SPIRE1: variants seen among roughly 807,000 people sequenced by gnomAD.
The protein encoded by SPIRE1 is spire type actin nucleation factor 1, also known as protein spire homolog 1.
SPIRE1 carries 40 observed loss-of-function variants against 94.1 expected under a neutral mutation model. The observed-to-expected ratio is 0.43, with a 90% CI of 0.33 to 0.55. SPIRE1 has a LOEUF of 0.55. SPIRE1 is among the 20% of genes least tolerant of loss of function. The pLI is 0.06. For missense variants in SPIRE1, 838 were observed against 975.2 expected, an observed-to-expected ratio of 0.86 and a Z score of 1.87; for synonymous variants, 376 against 371.7, an observed-to-expected ratio of 1.01 and a Z score of -0.13.
At chr18:12,659,420 C>T (rs1567999908), upstream of SPIRE1, among the ~76,000 whole-genome samples, 1 of 152,160 alleles carries the variant, frequency 6.6e-6, no homozygotes, top group Non-Finnish European at 1.5e-5. Flanking sequence ...GTAATCCCAG[C>T]ACTTTGGGAG....
rs58328517 is a variant in SPIRE1, at chr18:12,447,283, A to AG, written c.*2354_*2355insC. Reference sequence around the variant, plus strand: ...CTTTTGTTGTTGGATTAGAAGTAAAACTGAACAAGAAACCAGGACACGGAA... The same window carrying AG: ...CTTTTGTTGTTGGATTAGAAGTAAAAGCTGAACAAGAAACCAGGACACGGAA... On this transcript the variant is annotated 3_prime_UTR_variant, in exon 17 of 17. Transcript: ENST00000409402. The AG allele has an allele frequency of 0.73, 110,812 of 151,842 alleles. 40,967 individuals carry two copies. The highest frequency in any genetic ancestry group is 0.91 in the Middle Eastern group (267 of 294). 9.4% of individuals were successfully genotyped at this position (151,842 alleles called of 1,614,324 possible).
At chr18:12,585,448 C>T (rs1393846760) in intron 2 of SPIRE1, among the ~76,000 whole-genome samples, 2 of 152,144 alleles carry the variant, frequency 1.3e-5, no homozygotes, top group Non-Finnish European at 2.9e-5. Context: ...TCTCTGAAAT[C>T]AGCTGCCTAT....
intron 5 of SPIRE1, among the ~76,000 whole-genome samples, chr18:12,509,795 C>A (rs1229431307): frequency 3.9e-5 from 6 of 152,008 alleles, no homozygotes. Context: ...AAAAACAGTA[C>A]ATACCAGCTG....
intron 2 of SPIRE1, among the ~76,000 whole-genome samples, chr18:12,599,828 C>T (rs545026598): frequency 6.6e-6 from 1 of 152,216 alleles, no homozygotes; most frequent in South Asian, 2.1e-4. Context: ...CTGTCCTTGC[C>T]ACCTCCTGCT....
intron 10 of SPIRE1, among the ~76,000 whole-genome samples, chr18:12,471,351 GC>G (rs1328884086): frequency 6.6e-6 from 1 of 151,066 alleles, no homozygotes; most frequent in Non-Finnish European, 1.5e-5. Context: ...AATTTCTAAG[GC>G]CCCTTCCAGT....
chr18:12,525,072 C>T (rs375438898), intron 4 of SPIRE1, among the ~76,000 whole-genome samples: 2 of 151,350 alleles, frequency 1.3e-5, no homozygotes, highest in Non-Finnish European at 2.9e-5. Flanking sequence ...GTCAGGAGAT[C>T]GAAACCATCC....
intron 3 of SPIRE1, among the ~76,000 whole-genome samples, chr18:12,537,633 T>A (rs981534477): frequency 1.3e-5 from 2 of 152,194 alleles, no homozygotes; most frequent in African/African-American, 4.8e-5. Flanking sequence ...TCTAAAGGAA[T>A]ACTACTAGAG....
chr18:12,467,444 T>A (rs777372302), intron 10 of SPIRE1, among the ~76,000 whole-genome samples: 2 of 152,116 alleles, frequency 1.3e-5, no homozygotes, highest in African/African-American at 4.8e-5. Flanking sequence ...ATTAGAACAA[T>A]CTTTTTCTGT....
chr18:12,630,292 C>A (rs1028366946), intron 2 of SPIRE1, among the ~76,000 whole-genome samples: 1 of 152,144 alleles, frequency 6.6e-6, no homozygotes, highest in African/African-American at 2.4e-5. Context: ...CCCAGGAAAC[C>A]TTACACTTCC....
intron 1 of SPIRE1, among the ~76,000 whole-genome samples, chr18:12,638,465 T>C (rs1310322214): frequency 6.6e-6 from 1 of 151,958 alleles, no homozygotes; most frequent in Non-Finnish European, 1.5e-5. Flanking sequence ...ATTAATTAAT[T>C]AAAAACAGAT....
intron 1 of SPIRE1, chr18:12,653,130 TTAATG>T (rs2038429053): frequency 6.6e-6 from 1 of 152,226 alleles, no homozygotes; most frequent in Non-Finnish European, 1.5e-5. Flanking sequence ...AGAGACTTTT[TTAATG>T]TCACAATTGC....
At chr18:12,451,992 A>G (rs546451902) in intron 16 of SPIRE1, among the ~76,000 whole-genome samples, 2 of 152,376 alleles carry the variant, frequency 1.3e-5, no homozygotes, top group East Asian at 3.9e-4. Context: ...GATGACTCTT[A>G]CAGGACACAG....
intron 8 of SPIRE1, among the ~76,000 whole-genome samples, chr18:12,492,785 A>G (rs1256058527): frequency 6.6e-6 from 1 of 152,206 alleles, no homozygotes; most frequent in Non-Finnish European, 1.5e-5. Flanking sequence ...ACCTCAGCCT[A>G]GAGACTGGCA....
chr18:12,542,013 G>A (rs1432965060), intron 3 of SPIRE1, among the ~76,000 whole-genome samples: 1 of 150,134 alleles, frequency 6.7e-6, no homozygotes, highest in Non-Finnish European at 1.5e-5. Flanking sequence ...GTCTCGCTCT[G>A]CTGCCCAGGC....
chr18:12,593,086 A>G (rs2036577298), intron 2 of SPIRE1, among the ~76,000 whole-genome samples: 1 of 152,250 alleles, frequency 6.6e-6, no homozygotes, highest in Admixed American at 6.5e-5. Context: ...AATAAAAATA[A>G]AAGCTTTTAG....
At chr18:12,452,216 C>A in intron 16 of SPIRE1, 39 bp downstream of exon 16, 2 of 1,611,994 alleles carry the variant, frequency 1.2e-6, no homozygotes, top group Non-Finnish European at 1.7e-6. Flanking sequence ...AACTCTTCTT[C>A]TGCAAAGGAT....
At chr18:12,471,435 T>C (rs1362790159) in intron 10 of SPIRE1, among the ~76,000 whole-genome samples, 1 of 151,768 alleles carries the variant, frequency 6.6e-6, no homozygotes, top group East Asian at 1.9e-4. Flanking sequence ...GAGATTCTCA[T>C]GTCTCAGCCT....
chr18:12,478,534 T>TAGCTAGGGTGTGTGTGTGA (rs563189547), intron 10 of SPIRE1, among the ~76,000 whole-genome samples: 1 of 142,682 alleles, frequency 7.0e-6, no homozygotes, highest in Non-Finnish European at 1.5e-5. Context: ...TGTGTGTGTG[T>TAGCTAGGGTGTGTGTGTGA]AGCTAGGGTG....
At chr18:12,601,369 G>A (rs986504285) in intron 2 of SPIRE1, among the ~76,000 whole-genome samples, 2 of 150,710 alleles carry the variant, frequency 1.3e-5, no homozygotes, top group African/African-American at 4.9e-5. Flanking sequence ...GTTGCAGTGA[G>A]CCGAGATCAC....
Sources: gnomAD v4.1 joint callset for allele counts (sites outside exome capture counted in the v4.1 genomes callset) on GRCh38, gnomAD v4.1.1 for gene constraint, MANE v1.5 for transcripts, NCBI Gene and HGNC (gene_info 2026-07-23, HGNC 2026-07-21) for gene names.